The following TRIM2 variants were observed in gnomAD, a reference collection of about 807,000 sequenced individuals.
TRIM2 encodes tripartite motif containing 2.
Under a neutral mutation model 75.2 loss-of-function variants are expected in TRIM2, and 20 were observed. The observed-to-expected ratio is 0.27, with a 90% CI of 0.19 to 0.39. The LOEUF (loss-of-function observed/expected upper bound fraction) is 0.39. TRIM2 is among the 10% of genes least tolerant of loss of function. The probability of loss-of-function intolerance (pLI) is 1.00; values close to 1 mark genes in which losing one functional copy is unlikely to be tolerated. For synonymous variants in TRIM2, 373 were observed against 388.3 expected, an observed-to-expected ratio of 0.96 and a Z score of 0.46; for missense variants, 660 against 990.8, an observed-to-expected ratio of 0.67 and a Z score of 4.48.
In TRIM2 at chr4:153,335,046, A is replaced by C; in HGVS notation, c.*80A>C. 1.5e-6 allele frequency: 2 copies of C among 1,365,086 alleles called. No homozygotes were observed. The highest frequency in any genetic ancestry group is 1.9e-6 in the Non-Finnish European group (2 of 1,044,180). 84.6% of individuals were successfully genotyped at this position (1,365,086 alleles called of 1,614,324 possible). A position where few individuals can be genotyped will look rare whatever the true frequency, so the allele number is the denominator to read the frequency against. ...TTTCTCAATGCGGGACCAGATTATG[A>C]CTAGAGTTTTTATGCCAGAAGGAAT... On this transcript the variant is annotated 3_prime_UTR_variant, in exon 12 of 12. Transcript: ENST00000338700.
At chr4:153,267,717 A>G (rs948841204) in intron 1 of TRIM2, among the ~76,000 whole-genome samples, 1 of 152,184 alleles carries the variant, frequency 6.6e-6, no homozygotes, top group African/African-American at 2.4e-5. Flanking sequence ...GTCATATTAA[A>G]TATTAAACCT....
chr4:153,324,261 A>G (rs1433369591), intron 10 of TRIM2, 113 bp downstream of exon 10: 2 of 857,630 alleles, frequency 2.3e-6, no homozygotes, highest in Non-Finnish European at 3.5e-6. Context: ...TAACCAGCAG[A>G]GTAGACTTTG....
At chr4:153,267,734 TTTCCTTCC>T (rs1031596545) in intron 1 of TRIM2, among the ~76,000 whole-genome samples, 1 of 151,160 alleles carries the variant, frequency 6.6e-6, no homozygotes, top group Non-Finnish European at 1.5e-5. Context: ...ACCTCTTTTC[TTTCCTTCC>T]TTCCTTCCTT....
At chr4:153,235,468 T>G (rs1227807931) in intron 1 of TRIM2, among the ~76,000 whole-genome samples, 1 of 151,926 alleles carries the variant, frequency 6.6e-6, no homozygotes, top group Non-Finnish European at 1.5e-5. Flanking sequence ...GTATTTTTCA[T>G]AGAGATGAGG....
chr4:153,253,161 G>A (rs1260473458), intron 1 of TRIM2, among the ~76,000 whole-genome samples: 1 of 152,206 alleles, frequency 6.6e-6, no homozygotes, highest in African/African-American at 2.4e-5. Context: ...GCTTTGCTGA[G>A]TTCTAAAGGA....
At chr4:153,280,480 G>T (rs1196995199) in intron 3 of TRIM2, among the ~76,000 whole-genome samples, 1 of 146,848 alleles carries the variant, frequency 6.8e-6, no homozygotes, top group Non-Finnish European at 1.5e-5. Context: ...CAACTCCAGG[G>T]CTCAAGTGAT....
At chr4:153,289,254 T>C (rs1761343025) in intron 3 of TRIM2, among the ~76,000 whole-genome samples, 1 of 152,196 alleles carries the variant, frequency 6.6e-6, no homozygotes, top group Admixed American at 6.5e-5. Context: ...TTTGCTGTTG[T>C]TGTTTGGTGA....
chr4:153,240,637 G>A (rs1215946017), intron 1 of TRIM2, among the ~76,000 whole-genome samples: 1 of 152,120 alleles, frequency 6.6e-6, no homozygotes, highest in East Asian at 1.9e-4. Flanking sequence ...ACATGAAAAA[G>A]CAAGAGTTAA....
At chr4:153,237,127 T>TA (rs1051410118) in intron 1 of TRIM2, among the ~76,000 whole-genome samples, 15 of 152,196 alleles carry the variant, frequency 9.9e-5, no homozygotes, top group Non-Finnish European at 1.9e-4. Context: ...TTCTGCTTGC[T>TA]AATTTAACTT....
At chr4:153,195,245 A>G (rs896522631) in intron 1 of TRIM2, among the ~76,000 whole-genome samples, 3 of 152,262 alleles carry the variant, frequency 2.0e-5, no homozygotes, top group African/African-American at 4.8e-5. Context: ...GCAGCTAGGC[A>G]CGGTGGCTGA....
chr4:153,159,057 G>A lies in TRIM2; in HGVS notation c.-49+5787G>A, dbSNP rs75924149. Among the ~76,000 whole-genome samples the A allele has an allele frequency of 4.4e-3, 668 of 152,242 alleles. 9 individuals carry two copies. The East Asian group carries it at 0.059, about 13-fold the overall frequency. On this transcript the variant is annotated intron_variant, in intron 1 of 11. Transcript: ENST00000437508. ...ACTGAGCCATTGCAGGTTGTTCTAA[G>A]GATTAAAGAAAATTGATATAAAGTG...
At chr4:153,300,056 C>T (rs1046311810) in intron 6 of TRIM2, among the ~76,000 whole-genome samples, 23 of 152,150 alleles carry the variant, frequency 1.5e-4, no homozygotes, top group African/African-American at 5.5e-4. Context: ...TGTTTGAGTG[C>T]TATTTCTTTG....
At position 153,338,192 on chromosome 4, in the gene TRIM2, C is replaced by T; in HGVS notation, c.*3226C>T. 2 of 985,862 alleles carry T rather than the reference C, an allele frequency of 2.0e-6. No individual in the cohort carries two copies. The highest frequency in any genetic ancestry group is 2.4e-6 in the Non-Finnish European group (2 of 829,922). 61.1% of individuals were successfully genotyped at this position (985,862 alleles called of 1,614,324 possible). ...TGGAGTTAACTGGAATAGCAGTACA[C>T]TAGCAAGTATCTGTGAATCCTTAGC... On this transcript the variant is annotated 3_prime_UTR_variant, in exon 12 of 12. Transcript: ENST00000338700.
At chr4:153,274,654 C>A (rs543111334) in intron 2 of TRIM2, among the ~76,000 whole-genome samples, 1 of 152,230 alleles carries the variant, frequency 6.6e-6, no homozygotes, top group South Asian at 2.1e-4. Flanking sequence ...ATGAATGGAA[C>A]CTTGATTAAC....
chr4:153,323,754 G>A (rs1769508243), intron 9 of TRIM2, among the ~76,000 whole-genome samples: 1 of 152,208 alleles, frequency 6.6e-6, no homozygotes, highest in Admixed American at 6.5e-5. Context: ...GATACTCAGG[G>A]AAGCTGGCAG....
chr4:153,244,340 T>TTCC (rs1748014942), intron 1 of TRIM2, among the ~76,000 whole-genome samples: 1 of 31,554 alleles, frequency 3.2e-5, no homozygotes, highest in Non-Finnish European at 5.0e-5. Context: ...CTTCTTCTTC[T>TTCC]TCTTCTTCTT....
At chr4:153,282,154 C>T (rs371525747) in intron 3 of TRIM2, among the ~76,000 whole-genome samples, 99 of 152,220 alleles carry the variant, frequency 6.5e-4, no homozygotes, top group African/African-American at 2.2e-3. Context: ...CACCCCAGGC[C>T]GCACCAGCAT....
chr4:153,164,952 A>AT (rs1373106557), intron 1 of TRIM2, among the ~76,000 whole-genome samples: 2 of 151,552 alleles, frequency 1.3e-5, no homozygotes, highest in Admixed American at 6.6e-5. Flanking sequence ...TTATTACTTC[A>AT]TTTTTTTATA....
At chr4:153,191,108 A>C (rs1460720545) in intron 1 of TRIM2, among the ~76,000 whole-genome samples, 2 of 152,020 alleles carry the variant, frequency 1.3e-5, no homozygotes, top group Admixed American at 1.3e-4. Context: ...TCTTCTTCTG[A>C]AGCTTAGCTT....
Sources: allele counts gnomAD v4.1 joint callset (sites outside exome capture counted in the v4.1 genomes callset), GRCh38; gene constraint gnomAD v4.1.1; transcripts MANE v1.5; gene names NCBI Gene and HGNC (gene_info 2026-07-23, HGNC 2026-07-21).